Variants in AKAP7 observed in about 807,000 individuals in gnomAD.
AKAP7 encodes A-kinase anchoring protein 7, also known as A kinase (PRKA) anchor protein 7.
Under a neutral mutation model 39.5 loss-of-function variants are expected in AKAP7, and 39 were observed. The ratio of observed to expected loss-of-function variants is 0.99; its 90% CI spans 0.76 to 1.29. The LOEUF (loss-of-function observed/expected upper bound fraction) is 1.29, where lower values mean the gene tolerates loss of function less well. Ranked by LOEUF, AKAP7 falls within the 50% of genes most tolerant of loss-of-function variation. The pLI is 0.00. For synonymous variants in AKAP7, 140 were observed against 139.1 expected (o/e 1.01, Z -0.05); for missense variants, 414 against 407.7 (o/e 1.02, Z -0.13).
rs1815159748 is a variant in AKAP7 at position 131,281,132 on chromosome 6, C to A, written c.851-398C>A. ...GAGATGCTAGGGAAATCTTGATGAC[C>A]TGATATTTGATATTCGAGAATGAGA... On this transcript the variant is annotated intron_variant, in intron 7 of 7. Transcript: ENST00000431975. The surrounding 1 kb of genome is among the most constrained non-coding windows in gnomAD (Gnocchi z 4.0). Among the ~76,000 whole-genome samples the A allele has an allele frequency of 6.6e-6, 1 of 152,096 alleles. No homozygotes were observed. The highest frequency in any genetic ancestry group is 1.5e-5 in the Non-Finnish European group (1 of 68,022).
chr6:131,144,630 A>G (rs926159490), intron 1 of AKAP7, among the ~76,000 whole-genome samples: 1 of 152,172 alleles, frequency 6.6e-6, no homozygotes, highest in African/African-American at 2.4e-5. Flanking sequence ...ACCTCCACCC[A>G]AGGTATATGA....
chr6:131,164,717 GA>G (rs1803311217), intron 3 of AKAP7, among the ~76,000 whole-genome samples: 3 of 152,150 alleles, frequency 2.0e-5, no homozygotes, highest in African/African-American at 7.2e-5. Flanking sequence ...TTATTCTTAG[GA>G]AAGATCATAG....
intron 1 of AKAP7, among the ~76,000 whole-genome samples, chr6:131,144,952 T>G (rs1801356125): frequency 6.6e-6 from 1 of 152,338 alleles, no homozygotes; most frequent in South Asian, 2.1e-4. Flanking sequence ...CCTTGCTGGT[T>G]GTTTTAAAAG....
intron 1 of AKAP7, among the ~76,000 whole-genome samples, chr6:131,144,429 G>A (rs183315701): frequency 6.6e-6 from 1 of 152,294 alleles, no homozygotes; most frequent in East Asian, 1.9e-4. Flanking sequence ...ATCTTGAGTG[G>A]TAAATTAGTC....
intron 2 of AKAP7, among the ~76,000 whole-genome samples, chr6:131,157,278 G>A (rs1460432999): frequency 6.6e-6 from 1 of 152,086 alleles, no homozygotes; most frequent in African/African-American, 2.4e-5. Context: ...AAATTACACA[G>A]GGAAACTGAA....
intron 1 of AKAP7, among the ~76,000 whole-genome samples, chr6:131,143,235 T>TA (rs1801194364): frequency 6.6e-6 from 1 of 152,060 alleles, no homozygotes. Flanking sequence ...TAATAGTTTT[T>TA]ATGTTTGTCT....
At chr6:131,162,326 C>A (rs1803048525) in intron 3 of AKAP7, among the ~76,000 whole-genome samples, 1 of 152,208 alleles carries the variant, frequency 6.6e-6, no homozygotes, top group African/African-American at 2.4e-5. Context: ...CTTTAACCTG[C>A]TGTAGCCTTT....
In AKAP7 at chr6:131,250,753, A is replaced by G. The variant is rs1235685481; in HGVS notation, c.851-30777A>G. 7 of 819,108 alleles carry G rather than the reference A, an allele frequency of 8.5e-6. No homozygotes were observed. In the East Asian group the frequency reaches 1.9e-4, roughly 22 times the overall value. The allele number at this position is 819,108 out of a possible 1,614,324, so 50.7% of individuals were successfully genotyped here. ...CTATGGTTTTTAATGTGTGTTTCTT[A>G]AAGGGACTGGTAGGTGTGTAGTTAC... On this transcript the variant is annotated intron_variant, in intron 7 of 7. Transcript: ENST00000431975.
intron 7 of AKAP7, among the ~76,000 whole-genome samples, chr6:131,228,321 GA>G (rs1368110245): frequency 6.6e-6 from 1 of 152,172 alleles, no homozygotes; most frequent in Non-Finnish European, 1.5e-5. Context: ...TGTTGAATTT[GA>G]AAATGTGTGT....
rs1285275757 is a variant in AKAP7, at chr6:131,251,992, T to C, written c.851-29538T>C. Among the ~76,000 whole-genome samples, 3 of 152,380 alleles carry C rather than the reference T, an allele frequency of 2.0e-5. No homozygotes were observed. In the East Asian group the frequency reaches 5.8e-4, roughly 29 times the overall value. ...GATAGTGAATTCTTTCCCCACCCTC[T>C]TCACTTTCTGTTCCACTGCTCAGGG... On this transcript the variant is annotated intron_variant, in intron 7 of 7. Coordinates refer to ENST00000431975, the MANE Select transcript of AKAP7 (RefSeq NM_016377.4).
chr6:131,188,164 CT>C lies in AKAP7; in HGVS notation c.590-11296del, dbSNP rs577808793. On this transcript the variant is annotated intron_variant, in intron 5 of 7. Transcript: ENST00000431975. ...TTACACAGTAATCAACTGGAAATAT[CT>C]ATTTAAGATGAGGACTATAAAATTT... 2.0e-5 allele frequency among the ~76,000 whole-genome samples: 3 copies of C among 152,262 alleles called. No homozygotes were observed. In the South Asian group the frequency reaches 6.2e-4, roughly 32 times the overall value.
intron 5 of AKAP7, among the ~76,000 whole-genome samples, chr6:131,183,146 A>G (rs748870229): frequency 1.4e-4 from 21 of 152,182 alleles, no homozygotes; most frequent in Admixed American, 2.6e-4. Flanking sequence ...GAACTAACGA[A>G]AGGAAAAAAA....
chr6:131,238,464 T>A (rs1811269294), intron 7 of AKAP7, among the ~76,000 whole-genome samples: 1 of 152,204 alleles, frequency 6.6e-6, no homozygotes, highest in African/African-American at 2.4e-5. Context: ...ATATCCTTGT[T>A]AACTTTCTGT....
chr6:131,241,627 G>GTGTGTGTGTGTGTA, intron 7 of AKAP7, among the ~76,000 whole-genome samples: 3 of 86,638 alleles, frequency 3.5e-5, no homozygotes, highest in African/African-American at 1.0e-4. Flanking sequence ...GTGTGTGTGT[G>GTGTGTGTGTGTGTA]TATATATATA....
intron 7 of AKAP7, among the ~76,000 whole-genome samples, chr6:131,233,868 A>G (rs762535263): frequency 6.6e-6 from 1 of 152,156 alleles, no homozygotes; most frequent in Non-Finnish European, 1.5e-5. Context: ...ATTAAATTGT[A>G]TTTTAGTTTT....
the AKAP7 span, among the ~76,000 whole-genome samples, chr6:131,128,710 T>A: frequency 6.6e-6 from 1 of 150,838 alleles, no homozygotes; most frequent in Non-Finnish European, 1.5e-5. Context: ...TAATCCCAGC[T>A]ACTCAGGAAG....
chr6:131,236,653 T>A (rs1261124746), intron 7 of AKAP7, among the ~76,000 whole-genome samples: 1 of 152,222 alleles, frequency 6.6e-6, no homozygotes, highest in African/African-American at 2.4e-5. Context: ...AGGTATTTTA[T>A]TCTCCTTGAA....
chr6:131,181,372 T>C (rs1279254025), intron 5 of AKAP7, among the ~76,000 whole-genome samples: 1 of 152,136 alleles, frequency 6.6e-6, no homozygotes, highest in Non-Finnish European at 1.5e-5. Context: ...TGCTGTAAAT[T>C]TTCTGTCTTA....
At chr6:131,234,478 G>A (rs1382659824) in intron 7 of AKAP7, among the ~76,000 whole-genome samples, 5 of 152,146 alleles carry the variant, frequency 3.3e-5, no homozygotes, top group African/African-American at 1.2e-4. Context: ...TCAGTGTGGA[G>A]GGAGGCAAAT....
Sources: allele counts gnomAD v4.1 joint callset (sites outside exome capture counted in the v4.1 genomes callset), GRCh38; gene constraint gnomAD v4.1.1; non-coding constraint Gnocchi (gnomAD v3.1); transcripts MANE v1.5; gene names NCBI Gene and HGNC (gene_info 2026-07-23, HGNC 2026-07-21).